ARL15: variants seen among roughly 807,000 people sequenced by gnomAD.
ARL15 encodes the protein ADP-ribosylation factor-like protein 15.
In ARL15, 19 loss-of-function variants were observed where a neutral mutation model predicts 25.2. That is an observed-to-expected ratio of 0.75 (90% CI 0.53 to 1.10). The LOEUF is 1.10. Among genes scored for constraint, ARL15 ranks in the 50% least tolerant of loss-of-function variants. ARL15 has a pLI of 0.00. For synonymous variants in ARL15, 94 were observed against 86.8 expected, an observed-to-expected ratio of 1.08 and a Z score of -0.46; for missense variants, 220 against 246.0, an observed-to-expected ratio of 0.89 and a Z score of 0.71.
chr5:54,095,650 T>G (rs1482966858), intron 4 of ARL15, among the ~76,000 whole-genome samples: 1 of 152,054 alleles, frequency 6.6e-6, no homozygotes, highest in Non-Finnish European at 1.5e-5. Flanking sequence ...TCAGCAGGCT[T>G]TCTCCCCCCA....
chr5:54,232,000 C>T (rs913667394), intron 1 of ARL15, among the ~76,000 whole-genome samples: 6 of 152,302 alleles, frequency 3.9e-5, no homozygotes, highest in East Asian at 1.9e-4. Flanking sequence ...GTCTACGCTG[C>T]GGCCACACTG....
intron 4 of ARL15, among the ~76,000 whole-genome samples, chr5:54,034,117 G>T (rs1224531328): frequency 6.6e-6 from 1 of 152,092 alleles, no homozygotes; most frequent in African/African-American, 2.4e-5. Context: ...CCGGCACAAG[G>T]TCTGTCTTAG....
intron 4 of ARL15, among the ~76,000 whole-genome samples, chr5:54,046,864 G>A (rs1750534304): frequency 6.6e-6 from 1 of 152,218 alleles, no homozygotes; most frequent in Non-Finnish European, 1.5e-5. Flanking sequence ...GAAGGGAGTG[G>A]ATGGTTAGCA....
chr5:54,265,117 C>T (rs573081512), intron 1 of ARL15, among the ~76,000 whole-genome samples: 100 of 152,300 alleles, frequency 6.6e-4, no homozygotes, highest in African/African-American at 2.4e-3. Flanking sequence ...ATGACATCAA[C>T]TCCCTGCTGT....
chr5:53,991,542 C>CA (rs760743257), intron 4 of ARL15, among the ~76,000 whole-genome samples: 8,624 of 39,962 alleles, frequency 0.22, 657 homozygotes, highest in East Asian at 0.26. Context: ...AACTCCATCT[C>CA]AAAAAAAAAA....
At chr5:54,092,550 G>GA (rs2112149667) in intron 4 of ARL15, among the ~76,000 whole-genome samples, 1 of 152,278 alleles carries the variant, frequency 6.6e-6, no homozygotes, top group Admixed American at 6.5e-5. Context: ...GAACAAAGGA[G>GA]ACCACTGAAA....
intron 3 of ARL15, among the ~76,000 whole-genome samples, chr5:54,114,305 G>T (rs1232028561): frequency 6.7e-6 from 1 of 149,932 alleles, no homozygotes; most frequent in African/African-American, 2.5e-5. Context: ...AGCTAAGGCT[G>T]AGGCAGGAGG....
chr5:53,989,886 C>T (rs990007004), intron 4 of ARL15, among the ~76,000 whole-genome samples: 1 of 152,014 alleles, frequency 6.6e-6, no homozygotes, highest in South Asian at 2.1e-4. Context: ...TTGTGTAAGA[C>T]TAGATTAAGA....
rs568469857 is a variant in ARL15, at chr5:54,231,704, G to A, written c.49-59776C>T. Among the ~76,000 whole-genome samples, 7 of 152,202 alleles carry A rather than the reference G, an allele frequency of 4.6e-5. No homozygotes were observed. The East Asian group carries it at 1.4e-3, about 29-fold the overall frequency. On this transcript the variant is annotated intron_variant, in intron 1 of 4. Transcript: ENST00000504924. ...TTGAGAGGGTTCAGTTTCTGATGAG[G>A]GCTCTATTTCTGGCTAGCAAACCAT...
intron 4 of ARL15, among the ~76,000 whole-genome samples, chr5:54,083,494 A>C (rs577511696): frequency 6.6e-6 from 1 of 152,346 alleles, no homozygotes; most frequent in African/African-American, 2.4e-5. Context: ...CAATGAAATG[A>C]ATCTGAATAT....
intron 3 of ARL15, among the ~76,000 whole-genome samples, chr5:54,122,756 C>G (rs572820348): frequency 6.6e-6 from 1 of 152,260 alleles, no homozygotes; most frequent in East Asian, 1.9e-4. Context: ...CAAATCTAAG[C>G]ACAAAATGGG....
At chr5:54,304,029 G>T (rs1225012223) in intron 1 of ARL15, among the ~76,000 whole-genome samples, 1 of 152,218 alleles carries the variant, frequency 6.6e-6, no homozygotes, top group Non-Finnish European at 1.5e-5. Context: ...TTGGGGACAA[G>T]GGCGCATCAG....
Position 54,215,218 on chromosome 5 carries a change from G to GT in ARL15, c.49-43291dup, listed in dbSNP as rs543806721. On this transcript the variant is annotated intron_variant, in intron 1 of 4. Coordinates refer to ENST00000504924, the MANE Select transcript of ARL15 (RefSeq NM_019087.3). ...TTCAACAAGACTTTTCTGTCTTAAA[G>GT]TTTTTTTTTTTTAAATCCAAGCAAT... is the stretch of plus-strand genomic sequence containing the variant. Among the ~76,000 whole-genome samples the GT allele has an allele frequency of 6.4e-4, 96 of 149,400 alleles. No homozygotes were observed. The East Asian group carries it at 6.7e-3, about 10-fold the overall frequency.
intron 1 of ARL15, among the ~76,000 whole-genome samples, chr5:54,248,710 C>G (rs74960543): frequency 7.3e-4 from 68 of 92,784 alleles, no homozygotes; most frequent in African/African-American, 2.3e-3. Context: ...CTTACACATA[C>G]TAGGTGTTCT....
chr5:54,123,070 C>A (rs1280703018), intron 3 of ARL15, among the ~76,000 whole-genome samples: 2 of 151,378 alleles, frequency 1.3e-5, no homozygotes, highest in Non-Finnish European at 2.9e-5. Context: ...TTTATATAGT[C>A]TAAAAGAACT....
intron 4 of ARL15, among the ~76,000 whole-genome samples, chr5:54,068,178 T>C (rs536476401): frequency 5.6e-4 from 86 of 152,322 alleles, no homozygotes; most frequent in Middle Eastern, 3.4e-3. Flanking sequence ...AACTATCTTC[T>C]TCCCATTTTA....
intron 4 of ARL15, among the ~76,000 whole-genome samples, chr5:53,918,703 A>T (rs1016456182): frequency 6.6e-6 from 1 of 152,186 alleles, no homozygotes; most frequent in Non-Finnish European, 1.5e-5. Context: ...AAGCTCTTAA[A>T]ATCTGGCTTT....
At chr5:54,232,339 T>C (rs1561276875) in intron 1 of ARL15, among the ~76,000 whole-genome samples, 1 of 152,120 alleles carries the variant, frequency 6.6e-6, no homozygotes, top group Admixed American at 6.5e-5. Context: ...TATTAATACA[T>C]AGTGCTCTTT....
At chr5:54,099,380 G>A (rs1321154778) in intron 4 of ARL15, among the ~76,000 whole-genome samples, 4 of 151,806 alleles carry the variant, frequency 2.6e-5, no homozygotes, top group South Asian at 2.1e-4. Flanking sequence ...ACATTTTATC[G>A]GCTAATGATT....
Sources: allele counts gnomAD v4.1 joint callset (sites outside exome capture counted in the v4.1 genomes callset), GRCh38; gene constraint gnomAD v4.1.1; transcripts MANE v1.5; gene names NCBI Gene and HGNC (gene_info 2026-07-23, HGNC 2026-07-21).